Variants in TBL1X observed in about 807,000 individuals in gnomAD.
TBL1X encodes the protein transducin beta like 1 X-linked.
In TBL1X, 10 loss-of-function variants were observed where a neutral mutation model predicts 50.7. That is an observed-to-expected ratio of 0.20 (90% CI 0.12 to 0.33). TBL1X has a LOEUF of 0.33. TBL1X is among the 10% of genes least tolerant of loss of function. The pLI is 1.00. For synonymous variants in TBL1X, 190 were observed against 214.7 expected (o/e 0.88, Z 1.01); for missense variants, 340 against 504.4 (o/e 0.67, Z 3.12).
At chrX:9,533,325 C>T (rs1482081306) in intron 2 of TBL1X, among the ~76,000 whole-genome samples, 1 of 111,394 alleles carries the variant, frequency 9.0e-6, no homozygotes, top group Non-Finnish European at 1.9e-5. Context: ...CTTTTCTCTA[C>T]TCTCCAATTT....
intron 5 of TBL1X, among the ~76,000 whole-genome samples, chrX:9,660,157 C>T (rs1601822549): frequency 8.9e-6 from 1 of 112,933 alleles, no homozygotes; most frequent in African/African-American, 3.2e-5. Context: ...CACGAAAGCT[C>T]TCTGTGCATT....
chrX:9,708,494 A>G (rs1255298413), intron 13 of TBL1X, among the ~76,000 whole-genome samples: 1 of 111,582 alleles, frequency 9.0e-6, no homozygotes, highest in African/African-American at 3.3e-5. Flanking sequence ...GTGAGGGTTC[A>G]CTTCTCATGT....
At chrX:9,496,557 G>A (rs2081972025) in intron 1 of TBL1X, among the ~76,000 whole-genome samples, 1 of 112,711 alleles carries the variant, frequency 8.9e-6, no homozygotes, top group African/African-American at 3.2e-5. Flanking sequence ...AATTAAAAGT[G>A]GTCAAATGCT....
At chrX:9,684,598 T>TTAAA (rs746186550) in intron 6 of TBL1X, among the ~76,000 whole-genome samples, 1 of 51,286 alleles carries the variant, frequency 1.9e-5, no homozygotes, top group African/African-American at 8.3e-5. Context: ...TCTCTAAAAT[T>TTAAA]AAAAAAAAAA....
At chrX:9,537,412 C>T (rs957698647) in intron 2 of TBL1X, among the ~76,000 whole-genome samples, 1 of 110,983 alleles carries the variant, frequency 9.0e-6, no homozygotes, top group African/African-American at 3.3e-5. Context: ...GTGCAATCCT[C>T]ACCACGATCC....
At chrX:9,617,807 A>T (rs1229640832) in intron 2 of TBL1X, among the ~76,000 whole-genome samples, 1 of 112,420 alleles carries the variant, frequency 8.9e-6, no homozygotes, top group African/African-American at 3.2e-5. Context: ...AGCCAGAAAG[A>T]TTACACTTGT....
chrX:9,622,288 T>C (rs1162157776), intron 2 of TBL1X, among the ~76,000 whole-genome samples: 4 of 110,533 alleles, frequency 3.6e-5, no homozygotes, highest in Non-Finnish European at 7.6e-5. Context: ...TGATTCTCCA[T>C]CCCCCATCTC....
At chrX:9,494,337 A>G (rs1436767680) in intron 1 of TBL1X, among the ~76,000 whole-genome samples, 1 of 111,424 alleles carries the variant, frequency 9.0e-6, no homozygotes, top group African/African-American at 3.3e-5. Flanking sequence ...TTGGTTATCT[A>G]CTCATGTGCG....
At chrX:9,565,528 T>C (rs1418724763) in intron 2 of TBL1X, among the ~76,000 whole-genome samples, 1 of 111,185 alleles carries the variant, frequency 9.0e-6, no homozygotes, top group East Asian at 2.8e-4. Context: ...AAACAGACTA[T>C]TTAGAAACAT....
chrX:9,603,003 G>A (rs1224324720), intron 2 of TBL1X, among the ~76,000 whole-genome samples: 1 of 112,580 alleles, frequency 8.9e-6, no homozygotes, highest in Non-Finnish European at 1.9e-5. Context: ...AAGTCTCAGA[G>A]TAAAGGAAGA....
At chrX:9,522,717 G>A (rs1357375483) in intron 2 of TBL1X, among the ~76,000 whole-genome samples, 1 of 111,786 alleles carries the variant, frequency 8.9e-6, no homozygotes, top group Non-Finnish European at 1.9e-5. Flanking sequence ...TGGCTCTAAG[G>A]AGAAGCAGTT....
chrX:9,515,612 G>T (rs1041450565), intron 2 of TBL1X, among the ~76,000 whole-genome samples: 2 of 112,214 alleles, frequency 1.8e-5, no homozygotes, highest in Admixed American at 1.9e-4. Flanking sequence ...GGATTGGGAA[G>T]CTCTTTTTGT....
Position 9,592,366 on chromosome X carries a change from G to A in TBL1X, c.-130-47907G>A, listed in dbSNP as rs771310965. ...TCTTTATCTACCTTGGTTGTAGGTA[G>A]TTAAGAAAATCTTAACCCTTGGGTC... On this transcript the variant is annotated intron_variant, in intron 2 of 17. Coordinates refer to ENST00000645353, the MANE Select transcript of TBL1X (RefSeq NM_005647.4). 8.0e-5 allele frequency among the ~76,000 whole-genome samples: 9 copies of A among 112,162 alleles called. No homozygotes were observed. The South Asian group carries it at 3.3e-3, about 42-fold the overall frequency.
At chrX:9,496,880 T>C (rs1428913981) in intron 1 of TBL1X, among the ~76,000 whole-genome samples, 4 of 111,998 alleles carry the variant, frequency 3.6e-5, no homozygotes, top group Admixed American at 9.5e-5. Context: ...CTCATGACCA[T>C]GAGAATGAGC....
At chrX:9,712,781 G>C (rs1415001186) in intron 16 of TBL1X, among the ~76,000 whole-genome samples, 1 of 111,955 alleles carries the variant, frequency 8.9e-6, no homozygotes, top group Non-Finnish European at 1.9e-5. Context: ...GAGGATAGAA[G>C]AATTCCAGCT....
At chrX:9,653,451 C>T (rs1701332609) in intron 3 of TBL1X, 94 bp from the exon 4 acceptor site, 1 of 544,298 alleles carries the variant, frequency 1.8e-6, no homozygotes, top group South Asian at 3.4e-5. Context: ...CTTCTGGGCA[C>T]CAGAAGTCTT....
Position 9,714,931 on chromosome X carries a change from C to A in TBL1X, c.1635C>A (p.Gly545=). The change falls in exon 17 of 18, where the codon GGC becomes GGA. Residue 545 remains glycine, a synonymous_variant. Coordinates refer to ENST00000645353, the MANE Select transcript of TBL1X (RefSeq NM_005647.4). Reference sequence around the variant, plus strand: ...GAAATCTTGTCCACAGCTACCGAGGCACTGGCGGCATCTTCGAGGTGTGCT... The same window carrying A: ...GAAATCTTGTCCACAGCTACCGAGGAACTGGCGGCATCTTCGAGGTGTGCT... ...QSGNLVHSYR[G]TGGIFEVCWN... 8.3e-7 allele frequency: 1 copy of A among 1,211,960 alleles called. No homozygotes were observed. The highest frequency in any genetic ancestry group is 1.1e-6 in the Non-Finnish European group (1 of 895,485).
At chrX:9,595,874 T>C (rs2082524124) in intron 2 of TBL1X, among the ~76,000 whole-genome samples, 1 of 112,404 alleles carries the variant, frequency 8.9e-6, no homozygotes, top group Non-Finnish European at 1.9e-5. Context: ...TTTAAAATAA[T>C]ATACCATGAA....
At chrX:9,621,803 G>C (rs776388652) in intron 2 of TBL1X, among the ~76,000 whole-genome samples, 13 of 111,826 alleles carry the variant, frequency 1.2e-4, no homozygotes, top group Non-Finnish European at 2.4e-4. Flanking sequence ...CTGCTGCCAC[G>C]TAGCTCAGTT....
Sources: allele counts gnomAD v4.1 joint callset (sites outside exome capture counted in the v4.1 genomes callset), GRCh38; gene constraint gnomAD v4.1.1; transcripts MANE v1.5; gene names NCBI Gene and HGNC (gene_info 2026-07-23, HGNC 2026-07-21).